Variants in SLC44A1 observed in about 807,000 individuals in gnomAD.
SLC44A1 encodes choline transporter-like protein 1.
SLC44A1 carries 26 observed loss-of-function variants against 79.3 expected under a neutral mutation model. The ratio of observed to expected loss-of-function variants is 0.33; its 90% CI spans 0.24 to 0.46. The LOEUF (loss-of-function observed/expected upper bound fraction) is 0.46. Ranked by LOEUF, SLC44A1 falls within the 20% of genes least tolerant of loss-of-function variation. The probability of loss-of-function intolerance (pLI) is 1.00; values close to 1 mark genes in which losing one functional copy is unlikely to be tolerated. For missense variants in SLC44A1, 688 were observed against 798.1 expected, an observed-to-expected ratio of 0.86 and a Z score of 1.66; for synonymous variants, 263 against 286.2, an observed-to-expected ratio of 0.92 and a Z score of 0.82.
intron 15 of SLC44A1, among the ~76,000 whole-genome samples, chr9:105,405,894 A>G (rs563335117): frequency 9.8e-5 from 15 of 152,290 alleles, no homozygotes; most frequent in African/African-American, 2.6e-4. Context: ...AAGGACATAC[A>G]CGGAGGAATA....
At chr9:105,281,393 TC>T (rs1236690204) in intron 1 of SLC44A1, among the ~76,000 whole-genome samples, 1 of 152,228 alleles carries the variant, frequency 6.6e-6, no homozygotes, top group East Asian at 1.9e-4. Context: ...TTTTTTACTA[TC>T]TTTTTGATAT....
At chr9:105,419,366 G>A (rs138050115) in intron 15 of SLC44A1, among the ~76,000 whole-genome samples, 1 of 152,284 alleles carries the variant, frequency 6.6e-6, no homozygotes, top group East Asian at 1.9e-4. Flanking sequence ...GATAAGAAAG[G>A]AGATTGTGCC....
In SLC44A1 at chr9:105,392,660, G is replaced by A. The variant is rs1828792527; in HGVS notation, c.*3604G>A. The A allele has an allele frequency of 1.6e-5, 16 of 985,252 alleles. No individual in the cohort carries two copies. The highest frequency in any genetic ancestry group is 1.1e-4 in the East Asian group (1 of 8,814). 61.0% of individuals were successfully genotyped at this position (985,252 alleles called of 1,614,324 possible). ...ACTGCAGGCACCACATATGTGTGAG[G>A]CCACATCACTGCCCCTGAGGCTTCA... On this transcript the variant is annotated 3_prime_UTR_variant, in exon 16 of 16. Transcript: ENST00000374720.
chr9:105,423,458 T>C (rs1343924358), intron 15 of SLC44A1, among the ~76,000 whole-genome samples: 12 of 152,120 alleles, frequency 7.9e-5, no homozygotes, highest in African/African-American at 2.7e-4. Context: ...AGAGCGAGGC[T>C]CGGTCTCATA....
At chr9:105,301,363 C>G (rs927802627) in intron 2 of SLC44A1, among the ~76,000 whole-genome samples, 1 of 152,218 alleles carries the variant, frequency 6.6e-6, no homozygotes, top group Non-Finnish European at 1.5e-5. Flanking sequence ...TTAAGACCCA[C>G]TGTGTGTACT....
chr9:105,335,617 G>T lies in SLC44A1; in HGVS notation c.324G>T (p.Lys108Asn). ...CNLDLINRKIKSVALCVAACP... is the reference protein window; with the variant it reads ...CNLDLINRKINSVALCVAACP... The stretch of plus-strand genomic sequence containing the variant: ...TGGACTTGATAAACCGGAAGATTAA[G>T]TCTGTAGCACTGTGTGTAGCAGCGT... The change falls in exon 4 of 16, where the codon AAG becomes AAT. Residue 108 changes from lysine to asparagine, a missense_variant. Transcript: ENST00000374720. The T allele has an allele frequency of 6.2e-7, 1 of 1,613,490 alleles. No homozygotes were observed. The highest frequency in any genetic ancestry group is 8.5e-7 in the Non-Finnish European group (1 of 1,179,578).
chr9:105,356,354 A>G lies in SLC44A1; in HGVS notation c.643A>G (p.Ile215Val), dbSNP rs766708673. The G allele has an allele frequency of 1.7e-5, 28 of 1,603,330 alleles. No homozygotes were observed. Among genetic ancestry groups the G allele is most frequent in the Non-Finnish European group, 1.7e-6 (2 of 1,175,216 alleles). The change falls in exon 6 of 16, where the codon ATA (isoleucine) becomes GTA (valine). Residue 215 changes from isoleucine (I) to valine (V), a missense_variant. Physicochemically the swap from Ile to Val is conservative, Grantham distance 29 (BLOSUM62 3). Coordinates refer to ENST00000374720, the MANE Select transcript of SLC44A1 (RefSeq NM_080546.5). ...TGGAGTAATGACCAGCAAAGAAATT[A>G]TATTGGGACTTTGCTTGTTATCACT... Reference protein sequence around the residue: ...ISGVMTSKEIILGLCLLSLVL... With the variant: ...ISGVMTSKEIVLGLCLLSLVL...
At position 105,383,280 on chromosome 9, in the gene SLC44A1, T is replaced by C. The variant is rs1828531711; in HGVS notation, c.1790T>C (p.Leu597Ser). Residue 597 changes from leucine (L) to serine (S), a missense_variant, in exon 14 of 16, where the codon TTA becomes TCA. Leu to Ser is a moderately radical substitution (Grantham distance 145). Transcript: ENST00000374720. Reference protein sequence around the residue: ...LSIYEMVVDVLFLCFAIDTKY... With the variant: ...LSIYEMVVDVSFLCFAIDTKY... ...ATTTATGAAATGGTAGTGGATGTAT[T>C]ATTCTTGTGTTTTGCCATTGATACA... is the stretch of plus-strand genomic sequence containing the variant. 1.2e-6 allele frequency: 2 copies of C among 1,613,866 alleles called. No individual in the cohort carries two copies. Among genetic ancestry groups the C allele is most frequent in the Non-Finnish European group, 1.7e-6 (2 of 1,179,852 alleles).
chr9:105,435,230 G>A (rs1829449099), intron 15 of SLC44A1, among the ~76,000 whole-genome samples: 1 of 151,968 alleles, frequency 6.6e-6, no homozygotes, highest in African/African-American at 2.4e-5. Flanking sequence ...AACTGAAAAG[G>A]ACATCAGAGA....
At chr9:105,429,827 A>G (rs757779998) in intron 15 of SLC44A1, among the ~76,000 whole-genome samples, 1 of 143,888 alleles carries the variant, frequency 6.9e-6, no homozygotes, top group African/African-American at 3.0e-5. Flanking sequence ...TGTGATCTCA[A>G]TTTTATTTAA....
At chr9:105,322,839 T>C (rs1826436705) in intron 3 of SLC44A1, among the ~76,000 whole-genome samples, 1 of 152,188 alleles carries the variant, frequency 6.6e-6, no homozygotes, top group Non-Finnish European at 1.5e-5. Context: ...TATACTTTAA[T>C]GGTTGTTATA....
intron 1 of SLC44A1, among the ~76,000 whole-genome samples, chr9:105,259,673 G>T (rs1372495989): frequency 1.3e-5 from 2 of 152,160 alleles, no homozygotes; most frequent in African/African-American, 4.8e-5. Flanking sequence ...ACAGGTGTTG[G>T]AAGACAATTC....
chr9:105,246,030 T>G (rs1829436837), intron 1 of SLC44A1, among the ~76,000 whole-genome samples: 1 of 152,184 alleles, frequency 6.6e-6, no homozygotes, highest in African/African-American at 2.4e-5. Flanking sequence ...TGGGATGTAA[T>G]CTCACAGTTT....
downstream of SLC44A1, among the ~76,000 whole-genome samples, chr9:105,400,216 C>T (rs532554537): frequency 6.1e-4 from 90 of 148,754 alleles, no homozygotes; most frequent in East Asian, 1.8e-3. Flanking sequence ...GAAGGCTGGG[C>T]GCGGTGGCTC....
At chr9:105,259,763 G>A (rs575648796) in intron 1 of SLC44A1, among the ~76,000 whole-genome samples, 9 of 152,194 alleles carry the variant, frequency 5.9e-5, no homozygotes, top group East Asian at 1.9e-4. Context: ...ATTTTTCAGT[G>A]TACACTGCTG....
Position 105,392,016 on chromosome 9 carries a change from G to T in SLC44A1, c.*2960G>T, listed in dbSNP as rs1201053813. 1.7e-5 allele frequency: 17 copies of T among 985,044 alleles called. No individual in the cohort carries two copies. In the Admixed American group the frequency reaches 8.0e-4, roughly 46 times the overall value. The allele number at this position is 985,044 out of a possible 1,614,324, so 61.0% of individuals were successfully genotyped here. A position where few individuals can be genotyped will look rare whatever the true frequency, so the allele number is the denominator to read the frequency against. On this transcript the variant is annotated 3_prime_UTR_variant, in exon 16 of 16. Coordinates refer to ENST00000374720, the MANE Select transcript of SLC44A1 (RefSeq NM_080546.5). The stretch of plus-strand genomic sequence containing the variant: ...TCTAAGCTCCTGCCTGAAGAATAAG[G>T]TCTTCCATAATATGGAAGAGAAAAG...
At chr9:105,350,888 T>C (rs1169519148) in intron 5 of SLC44A1, among the ~76,000 whole-genome samples, 1 of 152,200 alleles carries the variant, frequency 6.6e-6, no homozygotes, top group Non-Finnish European at 1.5e-5. Flanking sequence ...GCAGCACCTG[T>C]TTTAGAGAAA....
At chr9:105,413,201 T>C (rs1404661718) in intron 15 of SLC44A1, among the ~76,000 whole-genome samples, 1 of 152,228 alleles carries the variant, frequency 6.6e-6, no homozygotes, top group African/African-American at 2.4e-5. Flanking sequence ...CAGTGAGTGC[T>C]GATTGCCCTG....
intron 2 of SLC44A1, among the ~76,000 whole-genome samples, chr9:105,301,175 C>T (rs1312034906): frequency 6.6e-6 from 1 of 152,174 alleles, no homozygotes; most frequent in East Asian, 1.9e-4. Flanking sequence ...TTTACAAAAA[C>T]ATGTACCATG....
Sources: gnomAD v4.1 joint callset for allele counts (sites outside exome capture counted in the v4.1 genomes callset) on GRCh38, gnomAD v4.1.1 for gene constraint, MANE v1.5 for transcripts, NCBI Gene and HGNC (gene_info 2026-07-23, HGNC 2026-07-21) for gene names.